The following CACTIN variants were observed in gnomAD, a reference collection of about 807,000 sequenced individuals.
CACTIN encodes cactin, spliceosome C complex subunit.
In CACTIN, 20 loss-of-function variants were observed where a neutral mutation model predicts 84.9. That is an observed-to-expected ratio of 0.24 (90% CI 0.17 to 0.34). The LOEUF is 0.34. Ranked by LOEUF, CACTIN falls within the 10% of genes least tolerant of loss-of-function variation. CACTIN has a pLI of 1.00. For synonymous variants in CACTIN, 549 were observed against 467.9 expected (o/e 1.17, Z -2.24); for missense variants, 897 against 1,117.2 (o/e 0.80, Z 2.81).
Position 3,611,263 on chromosome 19 carries a change from G to A in CACTIN, c.*660C>T, listed in dbSNP as rs376607873. 7.0e-4 allele frequency: 315 copies of A among 451,672 alleles called. 3 individuals are homozygous for A. The East Asian group carries it at 0.018, about 25-fold the overall frequency. The allele number at this position is 451,672 out of a possible 1,614,324, so 28.0% of individuals were successfully genotyped here. ...GGAAATGGACCCCACCAGCCAGCAC[G>A]GGGTGAGTTGGGGGCCAGTCCCTGC... On this transcript the variant is annotated 3_prime_UTR_variant, in exon 10 of 10. Transcript: ENST00000429344.
intron 4 of CACTIN, 59 bp downstream of exon 4, chr19:3,620,068 G>A (rs997017347): frequency 1.8e-5 from 29 of 1,587,960 alleles, no homozygotes; most frequent in Non-Finnish European, 2.2e-5. Context: ...CAGAGTGACA[G>A]CCAGTGCCCG....
intron 2 of CACTIN, among the ~76,000 whole-genome samples, chr19:3,622,363 C>CAAA (rs34766613): frequency 9.4e-4 from 83 of 87,848 alleles, no homozygotes; most frequent in African/African-American, 2.3e-3. Flanking sequence ...GACTCCATCT[C>CAAA]AAAAAAAAAA....
intron 9 of CACTIN, chr19:3,612,810 G>A: frequency 2.8e-6 from 2 of 707,002 alleles, no homozygotes; most frequent in Non-Finnish European, 5.1e-6. Context: ...GGGAGTGCTC[G>A]GACAGCGGCC....
chr19:3,614,977 A>C, intron 6 of CACTIN: 1 of 323,940 alleles, frequency 3.1e-6, no homozygotes, highest in Non-Finnish European at 5.9e-6. Context: ...TGGGCAGTCC[A>C]TGAGGGGGTT....
intron 8 of CACTIN, 45 bp downstream of exon 8, chr19:3,613,419 G>A: frequency 6.5e-7 from 1 of 1,545,916 alleles, no homozygotes. Flanking sequence ...CCTCCATCCT[G>A]CTCCGCGTCT....
Position 3,618,989 on chromosome 19 carries a change from C to A in CACTIN, c.1048G>T (p.Val350Phe). The A allele has an allele frequency of 6.4e-7, 1 of 1,552,008 alleles. No individual in the cohort carries two copies. Among genetic ancestry groups the A allele is most frequent in the Non-Finnish European group, 8.7e-7 (1 of 1,147,344 alleles). Residue 350 changes from valine (V) to phenylalanine (F), a missense_variant and splice_region_variant, in exon 6 of 10, where the codon GTC (valine) becomes TTC (phenylalanine). Val to Phe is a conservative substitution (Grantham distance 50, BLOSUM62 -1). Around this residue, in one of 8 missense-constraint regions of CACTIN, gnomAD observed 304 missense variants for 444.3 expected, o/e 0.68. Coordinates refer to ENST00000429344, the MANE Select transcript of CACTIN (RefSeq NM_001080543.2). ...TTGCCCTGCTCCAGCTCCATGTAGA[C>A]CTGGGGGCAGGGGGCAGGGGTCAGG... Reference protein sequence around the residue: ...DMEDLLEDIQVYMELEQGKNA... With the variant: ...DMEDLLEDIQFYMELEQGKNA...
intron 3 of CACTIN, 63 bp from the exon 4 acceptor site, chr19:3,620,335 G>A (rs1393200010): frequency 6.6e-7 from 1 of 1,508,648 alleles, no homozygotes; most frequent in East Asian, 2.5e-5. Context: ...CGGGGGGAGG[G>A]GCTGTGATGA....
At chr19:3,614,328 G>T in intron 7 of CACTIN, 69 bp downstream of exon 7, 1 of 1,467,472 alleles carries the variant, frequency 6.8e-7, no homozygotes, top group Non-Finnish European at 9.3e-7. Context: ...CCCCACCCAG[G>T]ACTCAGGAGG....
chr19:3,621,636 T>TGGTGCCCAGCACACCGCA (rs1458990083), intron 2 of CACTIN, among the ~76,000 whole-genome samples: 1 of 152,184 alleles, frequency 6.6e-6, no homozygotes, highest in African/African-American at 2.4e-5. Flanking sequence ...GAGCTCACGG[T>TGGTGCCCAGCACACCGCA]GGTGCCCAGC....
At position 3,613,013 on chromosome 19, in the gene CACTIN, C is replaced by T. The variant is rs1319502957; in HGVS notation, c.1786+45G>A. ...GAGGCTGGAGAAGCCCCGCCCCCAG[C>T]TCGCCCCACTGGCCCCACCCCCTGG... On this transcript the variant is annotated intron_variant, in intron 9 of 9. Transcript: ENST00000429344. 1.6e-5 allele frequency: 24 copies of T among 1,490,480 alleles called. No individual in the cohort carries two copies. The East Asian group carries it at 3.0e-4, about 18-fold the overall frequency. 92.3% of individuals were successfully genotyped at this position (1,490,480 alleles called of 1,614,324 possible).
Position 3,623,697 on chromosome 19 carries a change from G to T in CACTIN, c.633C>A (p.Ile211=). The change falls in exon 2 of 10, where the codon ATC becomes ATA. Residue 211 remains isoleucine (I), a synonymous_variant. Transcript: ENST00000429344. ...ACCCGGCGGGGCCCACCTTATTCCAGATGAAGGTGCCCAGCAGGTTGTTGT... is the reference window on the plus strand; with the variant it reads ...ACCCGGCGGGGCCCACCTTATTCCATATGAAGGTGCCCAGCAGGTTGTTGT... The part of the protein sequence containing the change: ...FGDNNLLGTF[I]WNKALEKKGI... The T allele has an allele frequency of 6.2e-7, 1 of 1,607,386 alleles. No homozygotes were observed. The highest frequency in any genetic ancestry group is 8.5e-7 in the Non-Finnish European group (1 of 1,175,766).
intron 1 of CACTIN, among the ~76,000 whole-genome samples, chr19:3,624,505 T>C (rs2033294191): frequency 6.6e-6 from 1 of 151,504 alleles, no homozygotes; most frequent in Non-Finnish European, 1.5e-5. Flanking sequence ...GAGGCAGCGA[T>C]GGGTGGATTC....
rs1170602681 is a variant in CACTIN, at chr19:3,620,184, T to A, written c.827A>T (p.His276Leu). ...CTCCTGCTCCTCCCATGTCTTGAAG[T>A]GCTCTGCCTCCTTCTCGCGCTGCAG... ...EMLQREKEAE[H>L]FKTWEEQEDN... Residue 276 changes from histidine to leucine, a missense_variant, in exon 4 of 10, where the codon CAC (histidine) becomes CTC (leucine). Transcript: ENST00000429344. 1 of 1,611,600 alleles carries A rather than the reference T, an allele frequency of 6.2e-7. No homozygotes were observed. Among genetic ancestry groups the A allele is most frequent in the African/African-American group, 1.3e-5 (1 of 74,928 alleles).
chr19:3,618,517 C>G (rs755153084), intron 6 of CACTIN, among the ~76,000 whole-genome samples: 1 of 152,250 alleles, frequency 6.6e-6, no homozygotes, highest in Non-Finnish European at 1.5e-5. Context: ...GGCTGCACGG[C>G]CTTCAGGCCA....
At chr19:3,620,361 C>T in intron 3 of CACTIN, 89 bp from the exon 4 acceptor site, 1 of 1,392,110 alleles carries the variant, frequency 7.2e-7, no homozygotes, top group Non-Finnish European at 9.8e-7. Context: ...GCCCAGCCTT[C>T]ACCCAGCTGC....
rs750827744 is a variant in CACTIN at position 3,611,821 on chromosome 19, G to A, written c.*102C>T. ...GCGGCCTGAGGTGGGACGTGAACCC[G>A]CGGCCCTGCAGCCCAGACAGCGGCC... On this transcript the variant is annotated 3_prime_UTR_variant, in exon 10 of 10. Coordinates refer to ENST00000429344, the MANE Select transcript of CACTIN (RefSeq NM_001080543.2). 4.2e-6 allele frequency: 6 copies of A among 1,436,930 alleles called. No individual in the cohort carries two copies. The highest frequency in any genetic ancestry group is 2.5e-5 in the East Asian group (1 of 40,750). The allele number at this position is 1,436,930 out of a possible 1,614,324, so 89.0% of individuals were successfully genotyped here. A position where few individuals can be genotyped will look rare whatever the true frequency, so the allele number is the denominator to read the frequency against.
rs547983366 is a variant in CACTIN at position 3,613,477 on chromosome 19, A to G, written c.1465T>C (p.Ser489Pro). The G allele has an allele frequency of 6.3e-6, 10 of 1,577,900 alleles. No individual in the cohort carries two copies. Among genetic ancestry groups the G allele is most frequent in the East Asian group, 2.3e-5 (1 of 43,302 alleles). ...LFPILKQEPQ[S>P]PSRSLEPEDA... is the part of the protein sequence containing the mutation. ...GGCCGGGCCTACCTGCGGCTGGGGG[A>G]CTGGGGCTCCTGCTTGAGGATGGGG... The change falls in exon 8 of 10, where the codon TCC becomes CCC. Residue 489 changes from serine (S) to proline (P), a missense_variant. Around this residue, in one of 8 missense-constraint regions of CACTIN, gnomAD observed 243 missense variants for 239.9 expected, o/e 1.01. Coordinates refer to ENST00000429344, the MANE Select transcript of CACTIN (RefSeq NM_001080543.2).
rs2033094896 is a variant in CACTIN at position 3,615,852 on chromosome 19, C to G, written c.1163-1263G>C. ...ATCACCTGGGACCCTGGAATCGGCA[C>G]CCAGAGCTGCAGCCCCTTTGCTGGG... On this transcript the variant is annotated intron_variant, in intron 6 of 9. Coordinates refer to ENST00000429344, the MANE Select transcript of CACTIN (RefSeq NM_001080543.2). The surrounding 1 kb of genome is among the most constrained non-coding windows in gnomAD (Gnocchi z 5.2). 1 of 152,320 alleles carries G rather than the reference C, an allele frequency of 6.6e-6. No homozygotes were observed. Among genetic ancestry groups the G allele is most frequent in the Admixed American group, 6.5e-5 (1 of 15,272 alleles). The allele number at this position is 152,320 out of a possible 1,614,324, so 9.4% of individuals were successfully genotyped here.
intron 1 of CACTIN, 121 bp downstream of exon 1, chr19:3,626,475 C>G: frequency 9.1e-7 from 1 of 1,101,070 alleles, no homozygotes; most frequent in Non-Finnish European, 1.2e-6. Flanking sequence ...TTGTCCCCTT[C>G]TCTAGGAAGC....
Sources: allele counts gnomAD v4.1 joint callset (sites outside exome capture counted in the v4.1 genomes callset), GRCh38; gene constraint gnomAD v4.1.1; regional missense constraint gnomAD v4.1.1; non-coding constraint Gnocchi (gnomAD v3.1); transcripts MANE v1.5; gene names NCBI Gene and HGNC (gene_info 2026-07-23, HGNC 2026-07-21).